Variants in GRIK1 observed in about 807,000 individuals in gnomAD.
GRIK1 encodes glutamate receptor ionotropic, kainate 1.
In GRIK1, 69 loss-of-function variants were observed where a neutral mutation model predicts 105.7. That is an observed-to-expected ratio of 0.65 (90% confidence interval 0.54 to 0.80). The LOEUF (loss-of-function observed/expected upper bound fraction) is 0.80. GRIK1 is among the 30% of genes least tolerant of loss of function. GRIK1 has a pLI of 0.00. For synonymous variants in GRIK1, 438 were observed against 431.3 expected (o/e 1.02, Z -0.19); for missense variants, 1,109 against 1,167.3 (o/e 0.95, Z 0.73).
At chr21:29,610,508 T>C (rs558979308) in intron 7 of GRIK1, among the ~76,000 whole-genome samples, 2 of 152,188 alleles carry the variant, frequency 1.3e-5, no homozygotes, top group South Asian at 4.1e-4. Context: ...CTACTTTCAA[T>C]TGAAAGATTG....
rs75917624 is a variant in GRIK1, at chr21:29,834,526, G to A, written c.118+104857C>T. Among the ~76,000 whole-genome samples, 544 of 150,744 alleles carry A rather than the reference G, an allele frequency of 3.6e-3. 5 individuals carry two copies. Among genetic ancestry groups the A allele is most frequent in the African/African-American group, 0.013 (519 of 41,276 alleles). ...TCTTGGTCATTCTTCTGTTTACTTG[G>A]CCTTCACTTCCTACTTGGCTGTCTA... On this transcript the variant is annotated intron_variant, in intron 1 of 17. Coordinates refer to ENST00000327783, the MANE Select transcript of GRIK1 (RefSeq NM_001330994.2).
In GRIK1 at chr21:29,689,728, C is replaced by T. The variant is rs1455820162; in HGVS notation, c.544G>A (p.Gly182Ser). 1 of 1,613,708 alleles carries T rather than the reference C, an allele frequency of 6.2e-7. No individual in the cohort carries two copies. The highest frequency in any genetic ancestry group is 1.7e-5 in the Admixed American group (1 of 59,988). Reference protein sequence around the residue: ...TVTVVYEDSTGLIRLQELIKA... With the variant: ...TVTVVYEDSTSLIRLQELIKA... ...GTGAGGTCTTGTGTGAGTCCCATAC[C>T]TGTGCTGTCTTCATACACCACTGTC... is the stretch of plus-strand genomic sequence containing the variant. Residue 182 changes from glycine (G) to serine (S), a missense_variant and splice_region_variant, in exon 3 of 18, where the codon GGT becomes AGT. By Grantham distance (56) the Gly-to-Ser change is moderately conservative (BLOSUM62 0). Coordinates refer to ENST00000327783, the MANE Select transcript of GRIK1 (RefSeq NM_001330994.2).
chr21:29,859,703 T>A (rs1232146656), intron 1 of GRIK1, among the ~76,000 whole-genome samples: 2 of 152,224 alleles, frequency 1.3e-5, no homozygotes, highest in Non-Finnish European at 2.9e-5. Context: ...GACGCTAACC[T>A]GGGCTCCCGA....
chr21:29,598,972 A>C (rs780735927), intron 7 of GRIK1, 35 bp from the exon 8 acceptor site: 2 of 909,344 alleles, frequency 2.2e-6, no homozygotes, highest in Admixed American at 2.2e-5. Flanking sequence ...GTTATTGTTA[A>C]ACATTTATCA....
intron 1 of GRIK1, among the ~76,000 whole-genome samples, chr21:29,904,488 A>G (rs1430100737): frequency 6.6e-6 from 1 of 152,164 alleles, no homozygotes; most frequent in East Asian, 1.9e-4. Flanking sequence ...CAGAGAATGA[A>G]TGAGTCTGCA....
At chr21:29,637,968 CA>C (rs1475288498) in intron 7 of GRIK1, among the ~76,000 whole-genome samples, 2 of 152,250 alleles carry the variant, frequency 1.3e-5, no homozygotes, top group East Asian at 3.9e-4. Flanking sequence ...TACTGTCTTC[CA>C]TTTTGCAAAC....
intron 14 of GRIK1, among the ~76,000 whole-genome samples, chr21:29,575,816 A>G (rs2090878996): frequency 6.6e-6 from 1 of 152,194 alleles, no homozygotes; most frequent in Non-Finnish European, 1.5e-5. Context: ...TGGGCGACAG[A>G]GCGAGACTCC....
chr21:29,620,082 C>T (rs2832412), intron 7 of GRIK1, among the ~76,000 whole-genome samples: 3 of 152,106 alleles, frequency 2.0e-5, no homozygotes, highest in Admixed American at 2.0e-4. Flanking sequence ...AAGCTTGGCT[C>T]CTTATAAAGA....
chr21:29,781,541 AGTT>A (rs1569085474), intron 1 of GRIK1, among the ~76,000 whole-genome samples: 1 of 150,644 alleles, frequency 6.6e-6, no homozygotes, highest in Admixed American at 6.6e-5. Flanking sequence ...AAATGTCTAT[AGTT>A]GTTGTATGCA....
chr21:29,844,331 C>G (rs1327612408), intron 1 of GRIK1, among the ~76,000 whole-genome samples: 1 of 152,182 alleles, frequency 6.6e-6, no homozygotes, highest in Admixed American at 6.5e-5. Context: ...CCTAGCAGCA[C>G]TAACACCTGA....
Position 29,588,921 on chromosome 21 carries a change from A to G in GRIK1, c.1487T>C (p.Val496Ala), listed in dbSNP as rs765333024. Reference protein sequence around the residue: ...LSNILGFIYDVKLVPDGKYGA... With the variant: ...LSNILGFIYDAKLVPDGKYGA... The stretch of plus-strand genomic sequence containing the variant: ...ATATTTGCCATCGGGAACTAGTTTA[A>G]CATCATAAATGAAACCCAGGATGTT... The change falls in exon 11 of 18, where the codon GTT becomes GCT. Residue 496 changes from valine to alanine, a missense_variant. By Grantham distance (64) the Val-to-Ala change is moderately conservative. Around this residue, in one of 5 missense-constraint regions of GRIK1, gnomAD observed 54 missense variants for 88.1 expected, o/e 0.61. Transcript: ENST00000327783. 1 of 1,608,880 alleles carries G rather than the reference A, an allele frequency of 6.2e-7. No homozygotes were observed. Among genetic ancestry groups the G allele is most frequent in the African/African-American group, 1.3e-5 (1 of 74,828 alleles).
intron 1 of GRIK1, among the ~76,000 whole-genome samples, chr21:29,930,461 T>C (rs2071528781): frequency 1.3e-5 from 2 of 152,202 alleles, no homozygotes; most frequent in Non-Finnish European, 2.9e-5. Context: ...TTCCCCAATC[T>C]GCATTATGAA....
intron 1 of GRIK1, among the ~76,000 whole-genome samples, chr21:29,726,890 T>A (rs1218615741): frequency 4.0e-5 from 6 of 151,468 alleles, no homozygotes; most frequent in African/African-American, 1.5e-4. Context: ...GTCTACTGTA[T>A]TATTTTGGGG....
At chr21:29,645,162 A>G (rs2062592816) in intron 6 of GRIK1, among the ~76,000 whole-genome samples, 1 of 152,198 alleles carries the variant, frequency 6.6e-6, no homozygotes, top group East Asian at 1.9e-4. Context: ...TAATTACTGA[A>G]ATTAAACTTT....
At chr21:29,768,642 A>C (rs139114401) in intron 1 of GRIK1, among the ~76,000 whole-genome samples, 4,796 of 152,314 alleles carry the variant, frequency 0.031, 122 homozygotes, top group Middle Eastern at 0.071. Flanking sequence ...GCATATGTGC[A>C]GGGGGGATGC....
In GRIK1 at chr21:29,642,714, C is replaced by T. The variant is rs939224854; in HGVS notation, c.1098+112G>A. 3.9e-5 allele frequency: 34 copies of T among 871,542 alleles called. No individual in the cohort carries two copies. The East Asian group carries it at 8.4e-4, about 21-fold the overall frequency. 54.0% of individuals were successfully genotyped at this position (871,542 alleles called of 1,614,324 possible). On this transcript the variant is annotated intron_variant, in intron 7 of 17. Coordinates refer to ENST00000327783, the MANE Select transcript of GRIK1 (RefSeq NM_001330994.2). The stretch of plus-strand genomic sequence containing the variant: ...TGAGCAGACTGGTTGATGATGGCTT[C>T]CTCTCTCTTAGGGGCATCATGCCAG...
At chr21:29,695,436 A>ATATCTATC (rs36155253) in intron 1 of GRIK1, among the ~76,000 whole-genome samples, 86 of 146,746 alleles carry the variant, frequency 5.9e-4, no homozygotes, top group East Asian at 1.2e-3. Flanking sequence ...ATCTATATCA[A>ATATCTATC]TATCTATCTA....
intron 1 of GRIK1, among the ~76,000 whole-genome samples, chr21:29,819,231 T>A (rs1222169921): frequency 2.0e-5 from 3 of 152,102 alleles, no homozygotes; most frequent in Non-Finnish European, 2.9e-5. Context: ...ACATCCCTTC[T>A]TCCCATCTCA....
intron 1 of GRIK1, among the ~76,000 whole-genome samples, chr21:29,708,347 G>A (rs1037577603): frequency 1.3e-5 from 2 of 152,026 alleles, no homozygotes; most frequent in Non-Finnish European, 2.9e-5. Flanking sequence ...TACTCATAAT[G>A]ATATAAAATG....
Sources: allele counts gnomAD v4.1 joint callset (sites outside exome capture counted in the v4.1 genomes callset), GRCh38; gene constraint gnomAD v4.1.1; regional missense constraint gnomAD v4.1.1; transcripts MANE v1.5; gene names NCBI Gene and HGNC (gene_info 2026-07-23, HGNC 2026-07-21).